The following CCDC192 variants were observed in gnomAD, a reference collection of about 807,000 sequenced individuals.
The protein encoded by CCDC192 is coiled-coil domain containing 192.
At chr5:127,827,928 C>T (rs748573865) in intron 5 of CCDC192, among the ~76,000 whole-genome samples, 3 of 152,118 alleles carry the variant, frequency 2.0e-5, no homozygotes, top group Non-Finnish European at 4.4e-5. Flanking sequence ...TCCTTTGAGA[C>T]TGAGGCTCAC....
intron 3 of CCDC192, chr5:127,786,844 C>T: frequency 1.9e-6 from 1 of 515,216 alleles, no homozygotes; most frequent in East Asian, 3.5e-5. Flanking sequence ...GATGTAGAAA[C>T]TCTGGCTCCT....
At chr5:127,868,289 A>AT (rs1225376749) in intron 5 of CCDC192, among the ~76,000 whole-genome samples, 1 of 152,158 alleles carries the variant, frequency 6.6e-6, no homozygotes, top group East Asian at 1.9e-4. Context: ...GAGCAGCATA[A>AT]TATGGGGTCA....
At chr5:127,806,780 C>T (rs1757809863) in intron 5 of CCDC192, among the ~76,000 whole-genome samples, 1 of 151,956 alleles carries the variant, frequency 6.6e-6, no homozygotes, top group South Asian at 2.1e-4. Flanking sequence ...TTTACTATTA[C>T]TGTAAGAATC....
At chr5:127,868,287 T>A (rs1028310901) in intron 5 of CCDC192, among the ~76,000 whole-genome samples, 7 of 152,178 alleles carry the variant, frequency 4.6e-5, no homozygotes, top group Admixed American at 1.3e-4. Flanking sequence ...AGGAGCAGCA[T>A]AATATGGGGT....
At chr5:127,914,580 A>G (rs1056224210) in intron 6 of CCDC192, among the ~76,000 whole-genome samples, 1 of 152,176 alleles carries the variant, frequency 6.6e-6, no homozygotes, top group African/African-American at 2.4e-5. Context: ...GAGATTGTGA[A>G]CCTGTACAAA....
chr5:127,853,404 A>C (rs1750894401), intron 5 of CCDC192, among the ~76,000 whole-genome samples: 1 of 152,196 alleles, frequency 6.6e-6, no homozygotes, highest in Non-Finnish European at 1.5e-5. Flanking sequence ...TACATTTGCT[A>C]AATTCAGCCA....
intron 6 of CCDC192, among the ~76,000 whole-genome samples, chr5:127,884,722 C>T (rs1752499344): frequency 6.6e-6 from 1 of 152,116 alleles, no homozygotes; most frequent in East Asian, 1.9e-4. Flanking sequence ...GGATAGAAGA[C>T]AAAATACACC....
At chr5:127,730,705 G>C (rs753441802) in intron 2 of CCDC192, among the ~76,000 whole-genome samples, 3 of 152,062 alleles carry the variant, frequency 2.0e-5, no homozygotes, top group Non-Finnish European at 4.4e-5. Flanking sequence ...GATGAAGCCT[G>C]GTTCAACATA....
At chr5:127,919,057 A>ATG (rs1004258407) in intron 6 of CCDC192, among the ~76,000 whole-genome samples, 2 of 138,222 alleles carry the variant, frequency 1.4e-5, no homozygotes, top group African/African-American at 5.7e-5. Context: ...CTGTGTGTGT[A>ATG]TGTGTGTGTG....
chr5:127,839,840 A>C (rs1750206365), intron 5 of CCDC192, among the ~76,000 whole-genome samples: 1 of 152,234 alleles, frequency 6.6e-6, no homozygotes, highest in African/African-American at 2.4e-5. Context: ...AGAGTTTTTA[A>C]AAATACTGCC....
At chr5:127,911,663 A>G (rs1753355699) in intron 6 of CCDC192, among the ~76,000 whole-genome samples, 1 of 151,536 alleles carries the variant, frequency 6.6e-6, no homozygotes, top group Non-Finnish European at 1.5e-5. Context: ...GGAGTGACAG[A>G]TAATACAACA....
intron 5 of CCDC192, among the ~76,000 whole-genome samples, chr5:127,825,181 T>C (rs1326661073): frequency 6.6e-6 from 1 of 152,238 alleles, no homozygotes; most frequent in Admixed American, 6.5e-5. Flanking sequence ...ACTTATTTTC[T>C]AATCTATTAA....
intron 5 of CCDC192, among the ~76,000 whole-genome samples, chr5:127,838,098 A>G (rs749411076): frequency 1.2e-4 from 19 of 152,210 alleles, no homozygotes; most frequent in Non-Finnish European, 2.1e-4. Context: ...CCCAATTCTC[A>G]ACCCCGCATG....
rs150149699 is a variant in CCDC192, at chr5:127,822,122, G to T, written c.411+23960G>T. On this transcript the variant is annotated intron_variant, in intron 5 of 6. Coordinates refer to ENST00000514853, the MANE Select transcript of CCDC192 (RefSeq NM_001317938.2). ...AGGGACAACATTCTGGGCTTGGTAG[G>T]TCCCTGCCTTAGACACGTAATCAGA... 2.3e-3 allele frequency among the ~76,000 whole-genome samples: 343 copies of T among 152,262 alleles called. 1 individual carries two copies. Among genetic ancestry groups the T allele is most frequent in the African/African-American group, 7.9e-3 (328 of 41,528 alleles).
intron 3 of CCDC192, among the ~76,000 whole-genome samples, chr5:127,771,509 C>T (rs867430491): frequency 6.6e-6 from 1 of 152,122 alleles, no homozygotes; most frequent in African/African-American, 2.4e-5. Context: ...ATGGAAATGT[C>T]TATGTCATGT....
At chr5:127,902,844 A>C (rs1753078366) in intron 6 of CCDC192, among the ~76,000 whole-genome samples, 1 of 152,216 alleles carries the variant, frequency 6.6e-6, no homozygotes, top group African/African-American at 2.4e-5. Context: ...TTGAGAGTGT[A>C]GGTCAAAATT....
intron 6 of CCDC192, among the ~76,000 whole-genome samples, chr5:127,901,265 G>T (rs562453381): frequency 1.0e-3 from 159 of 152,164 alleles, no homozygotes; most frequent in Non-Finnish European, 1.9e-3. Flanking sequence ...TCATGACATT[G>T]CTAGGTAATA....
chr5:127,863,162 T>A (rs1306176974), intron 5 of CCDC192, among the ~76,000 whole-genome samples: 1 of 152,202 alleles, frequency 6.6e-6, no homozygotes, highest in Non-Finnish European at 1.5e-5. Context: ...AAGTTTCAGT[T>A]AATTTGGAAA....
intron 6 of CCDC192, among the ~76,000 whole-genome samples, chr5:127,905,033 A>AT (rs1753158502): frequency 6.6e-6 from 1 of 152,054 alleles, no homozygotes; most frequent in African/African-American, 2.4e-5. Flanking sequence ...CTGCTACTAG[A>AT]TGCAAATATC....
Sources: gnomAD v4.1 joint callset for allele counts (sites outside exome capture counted in the v4.1 genomes callset) on GRCh38, gnomAD v4.1.1 for gene constraint, MANE v1.5 for transcripts, NCBI Gene and HGNC (gene_info 2026-07-23, HGNC 2026-07-21) for gene names.